The following EFCAB6 variants were observed in gnomAD, a reference collection of about 807,000 sequenced individuals.
The protein encoded by EFCAB6 is EF-hand calcium-binding domain-containing protein 6.
EFCAB6 carries 156 observed loss-of-function variants against 169.8 expected under a neutral mutation model. The ratio of observed to expected loss-of-function variants is 0.92; its 90% confidence interval spans 0.81 to 1.05. The LOEUF is 1.05. Ranked by LOEUF, EFCAB6 falls within the 50% of genes least tolerant of loss-of-function variation. EFCAB6 has a pLI of 0.00. For synonymous variants in EFCAB6, 698 were observed against 676.4 expected, an observed-to-expected ratio of 1.03 and a Z score of -0.50; for missense variants, 1,800 against 1,829.1, an observed-to-expected ratio of 0.98 and a Z score of 0.29.
rs2060119314 is a variant in EFCAB6 at position 43,735,873 on chromosome 22, C to G, written c.628G>C (p.Asp210His). The G allele has an allele frequency of 6.2e-7, 1 of 1,613,772 alleles. No individual in the cohort carries two copies. Residue 210 changes from aspartate to histidine, a missense_variant, in exon 7 of 32, where the codon GAC becomes CAC. Coordinates refer to ENST00000262726, the MANE Select transcript of EFCAB6 (RefSeq NM_022785.4). ...TTTGCTTACTTTTCGTATTCCTCGT[C>G]TCTTAACTTCATACAGAAGGTCTCC... ...VLETFCMKLR[D>H]EEYEKFSKHY... is the part of the protein sequence containing the mutation.
chr22:43,539,270 G>C (rs537576598), intron 28 of EFCAB6, among the ~76,000 whole-genome samples: 7 of 152,288 alleles, frequency 4.6e-5, no homozygotes, highest in African/African-American at 1.7e-4. Flanking sequence ...GGGTGCTCCT[G>C]ACCCCTCTTC....
chr22:43,704,884 G>A (rs1380318121), intron 10 of EFCAB6, among the ~76,000 whole-genome samples: 1 of 152,034 alleles, frequency 6.6e-6, no homozygotes, highest in African/African-American at 2.4e-5. Context: ...CAAAATGGTA[G>A]TAATAAGTTC....
At chr22:43,589,320 A>AG (rs746149286) in intron 24 of EFCAB6, among the ~76,000 whole-genome samples, 3 of 59,772 alleles carry the variant, frequency 5.0e-5, no homozygotes, top group East Asian at 1.1e-3. Flanking sequence ...AAAAAAAAAA[A>AG]AGAAGTACAG....
At chr22:43,774,946 C>A (rs1294312575) in intron 3 of EFCAB6, among the ~76,000 whole-genome samples, 1 of 152,026 alleles carries the variant, frequency 6.6e-6, no homozygotes, top group East Asian at 1.9e-4. Context: ...TCTTCACCTT[C>A]CCCCTGGTAC....
intron 11 of EFCAB6, 26 bp downstream of exon 11, chr22:43,687,445 T>TGG: frequency 8.2e-7 from 1 of 1,214,666 alleles, no homozygotes. Flanking sequence ...TAACTAAAAT[T>TGG]TGTTTTTTTT....
intron 20 of EFCAB6, among the ~76,000 whole-genome samples, chr22:43,617,354 G>A (rs938976418): frequency 3.9e-5 from 6 of 152,242 alleles, no homozygotes; most frequent in African/African-American, 1.4e-4. Flanking sequence ...TGAGGGGCAT[G>A]TGCTATCTCA....
At position 43,576,496 on chromosome 22, in the gene EFCAB6, G is replaced by A; in HGVS notation, c.3229-8C>T. On this transcript the variant is annotated splice_polypyrimidine_tract_variant and splice_region_variant and intron_variant, in intron 25 of 31. Coordinates refer to ENST00000262726, the MANE Select transcript of EFCAB6 (RefSeq NM_022785.4). ...ATCCAATGCAGAAAATGCCTAAAAA[G>A]AAAGAAAAGAAAAAAAGATGGCAAA... The A allele has an allele frequency of 6.6e-7, 1 of 1,507,012 alleles. No individual in the cohort carries two copies. 93.4% of individuals were successfully genotyped at this position (1,507,012 alleles called of 1,614,324 possible). A position where few individuals can be genotyped will look rare whatever the true frequency, so the allele number is the denominator to read the frequency against.
At chr22:43,675,281 TA>T (rs1472520848) in intron 13 of EFCAB6, among the ~76,000 whole-genome samples, 1 of 133,324 alleles carries the variant, frequency 7.5e-6, no homozygotes, top group Non-Finnish European at 1.6e-5. Context: ...TGCTATAATA[TA>T]ATTATTATAT....
At chr22:43,748,346 A>G (rs2147803452) in intron 6 of EFCAB6, among the ~76,000 whole-genome samples, 1 of 152,320 alleles carries the variant, frequency 6.6e-6, no homozygotes, top group Non-Finnish European at 1.5e-5. Context: ...ACTTGCCTTG[A>G]GAAACATAAC....
intron 5 of EFCAB6, among the ~76,000 whole-genome samples, chr22:43,758,469 A>C (rs2061036330): frequency 6.6e-6 from 1 of 152,220 alleles, no homozygotes; most frequent in Non-Finnish European, 1.5e-5. Flanking sequence ...CAACATATAA[A>C]ATTAATATAT....
intron 8 of EFCAB6, 29 bp downstream of exon 8, chr22:43,731,670 C>G: frequency 1.5e-6 from 2 of 1,368,678 alleles, no homozygotes; most frequent in Non-Finnish European, 2.0e-6. Flanking sequence ...ATATTGAAAT[C>G]TTTAGCTATA....
In EFCAB6 at chr22:43,755,796, T is replaced by A; in HGVS notation, c.477A>T (p.Leu159Phe). Residue 159 changes from leucine (L) to phenylalanine (F), a missense_variant, in exon 6 of 32, where the codon TTA becomes TTT. Physicochemically the swap from Leu to Phe is conservative, Grantham distance 22. Transcript: ENST00000262726. ...CTCCCACTTGGATTTCAAGTTCTCT[T>A]AATGTGCGGCAGCAATTCATTTCAT... ...GGNEMNCCRT[L>F]RELEIQVGEK... The A allele has an allele frequency of 6.2e-7, 1 of 1,607,022 alleles. No individual in the cohort carries two copies. Among genetic ancestry groups the A allele is most frequent in the Non-Finnish European group, 8.5e-7 (1 of 1,178,022 alleles).
Position 43,537,194 on chromosome 22 carries a change from C to G in EFCAB6, c.4048+183G>C. On this transcript the variant is annotated intron_variant, in intron 29 of 31. Coordinates refer to ENST00000262726, the MANE Select transcript of EFCAB6 (RefSeq NM_022785.4). The surrounding 1 kb of genome is among the most constrained non-coding windows in gnomAD (Gnocchi z 4.3). ...CCCCCTGCTGGGAGGGCCGGGTAGTCGGAATCCTCCTCCATGGGGACCTTT... is the reference window on the plus strand; with the variant it reads ...CCCCCTGCTGGGAGGGCCGGGTAGTGGGAATCCTCCTCCATGGGGACCTTT... 1.5e-6 allele frequency: 1 copy of G among 663,510 alleles called. No individual in the cohort carries two copies. Among genetic ancestry groups the G allele is most frequent in the South Asian group, 2.6e-5 (1 of 38,250 alleles). 41.1% of individuals were successfully genotyped at this position (663,510 alleles called of 1,614,324 possible). A position where few individuals can be genotyped will look rare whatever the true frequency, so the allele number is the denominator to read the frequency against.
At chr22:43,637,211 A>G (rs761736269) in intron 17 of EFCAB6, among the ~76,000 whole-genome samples, 2 of 152,268 alleles carry the variant, frequency 1.3e-5, no homozygotes, top group South Asian at 2.1e-4. Context: ...TCCTGCCTCC[A>G]GGTTTTGATA....
At chr22:43,636,804 G>T (rs549474121) in intron 17 of EFCAB6, among the ~76,000 whole-genome samples, 1 of 151,802 alleles carries the variant, frequency 6.6e-6, no homozygotes, top group African/African-American at 2.4e-5. Flanking sequence ...TAGAGACGGG[G>T]TTTCACCATG....
chr22:43,782,372 TTCCAAATGTGGCCAATTTCCTA>T, intron 2 of EFCAB6, 47 bp from the exon 3 acceptor site: 5 of 1,564,210 alleles, frequency 3.2e-6, no homozygotes, highest in Non-Finnish European at 4.4e-6. Flanking sequence ...AGAGCATACA[TTCCAAATGTGGCCAATTTCCTA>T]TCTATTCCTT....
At chr22:43,545,411 TG>T (rs1231187211) in intron 27 of EFCAB6, among the ~76,000 whole-genome samples, 1 of 152,228 alleles carries the variant, frequency 6.6e-6, no homozygotes, top group African/African-American at 2.4e-5. Flanking sequence ...ACCCAGTTGA[TG>T]GATACATATT....
rs1367873441 is a variant in EFCAB6 at position 43,666,736 on chromosome 22, T to C, written c.1983+368A>G. Among the ~76,000 whole-genome samples the C allele has an allele frequency of 2.5e-5, 3 of 121,768 alleles. No individual in the cohort carries two copies. In the East Asian group the frequency reaches 9.3e-4, roughly 38 times the overall value. The allele number at this position is 121,768 out of a possible 152,430, so 79.9% of individuals were successfully genotyped here. On this transcript the variant is annotated intron_variant, in intron 17 of 31. Coordinates refer to ENST00000262726, the MANE Select transcript of EFCAB6 (RefSeq NM_022785.4). ...TTTTTCATTCTAGAGGAACAAACCATAGCTCTGTGATTGGAAACTCTCCAC... is the reference window on the plus strand; with the variant it reads ...TTTTTCATTCTAGAGGAACAAACCACAGCTCTGTGATTGGAAACTCTCCAC...
chr22:43,676,019 C>A (rs981953715), intron 13 of EFCAB6, among the ~76,000 whole-genome samples: 2 of 151,834 alleles, frequency 1.3e-5, no homozygotes, highest in Admixed American at 6.6e-5. Context: ...CTCTTAGATA[C>A]CACTGAAAAT....
Sources: allele counts gnomAD v4.1 joint callset (sites outside exome capture counted in the v4.1 genomes callset), GRCh38; gene constraint gnomAD v4.1.1; non-coding constraint Gnocchi (gnomAD v3.1); transcripts MANE v1.5; gene names NCBI Gene and HGNC (gene_info 2026-07-23, HGNC 2026-07-21).